LIPM: variants seen among roughly 807,000 people sequenced by gnomAD.
The protein encoded by LIPM is lipase family member M, also known as lipase member M.
A neutral mutation model predicts 42.4 loss-of-function variants in LIPM; 42 were observed. The ratio of observed to expected loss-of-function variants is 0.99; its 90% confidence interval spans 0.77 to 1.28. The LOEUF (loss-of-function observed/expected upper bound fraction) is 1.28. Among genes scored for constraint, LIPM ranks in the 50% most tolerant of loss-of-function variants. The pLI is 0.00. For synonymous variants in LIPM, 177 were observed against 173.3 expected (o/e 1.02, Z -0.17); for missense variants, 524 against 520.1 (o/e 1.01, Z -0.07).
At chr10:88,806,661 G>A (rs1843591910) in intron 1 of LIPM, among the ~76,000 whole-genome samples, 1 of 152,056 alleles carries the variant, frequency 6.6e-6, no homozygotes, top group Non-Finnish European at 1.5e-5. Context: ...TAATTCTGAT[G>A]CATGCTAAAA....
At chr10:88,815,293 A>G in intron 5 of LIPM, 64 bp from the exon 6 acceptor site, 1 of 1,547,474 alleles carries the variant, frequency 6.5e-7, no homozygotes, top group Non-Finnish European at 8.7e-7. Flanking sequence ...CTAAAACATA[A>G]ACTTTTAAAT....
At chr10:88,814,043 C>A (rs558769313) in intron 3 of LIPM, among the ~76,000 whole-genome samples, 6 of 152,284 alleles carry the variant, frequency 3.9e-5, no homozygotes, top group African/African-American at 1.4e-4. Flanking sequence ...CAAGGCCTAA[C>A]CATATCACCT....
At chr10:88,804,345 C>G (rs1843562177) in intron 1 of LIPM, among the ~76,000 whole-genome samples, 1 of 152,184 alleles carries the variant, frequency 6.6e-6, no homozygotes. Context: ...ACTACTGGGG[C>G]TTCAGGAGTC....
At chr10:88,815,606 T>C in intron 6 of LIPM, 103 bp downstream of exon 6, 1 of 1,004,152 alleles carries the variant, frequency 1.0e-6, no homozygotes, top group Non-Finnish European at 1.4e-6. Flanking sequence ...CTCAGAGTAA[T>C]GATATATTCT....
chr10:88,812,467 C>T (rs1040626253), intron 2 of LIPM, among the ~76,000 whole-genome samples: 1 of 152,026 alleles, frequency 6.6e-6, no homozygotes, highest in South Asian at 2.1e-4. Context: ...TACTGTAAAT[C>T]AATGTTTTGT....
At chr10:88,811,512 A>C (rs2133055393) in intron 2 of LIPM, among the ~76,000 whole-genome samples, 1 of 152,344 alleles carries the variant, frequency 6.6e-6, no homozygotes, top group African/African-American at 2.4e-5. Flanking sequence ...TCTTTCAGCC[A>C]AATTTGCTAA....
intron 2 of LIPM, among the ~76,000 whole-genome samples, chr10:88,810,510 C>CAAAAA (rs5786838): frequency 7.3e-6 from 1 of 137,034 alleles, no homozygotes. Context: ...TCTCCCATAT[C>CAAAAA]AAAAAAAAAA....
chr10:88,815,890 C>T (rs1015015600), intron 6 of LIPM, among the ~76,000 whole-genome samples: 3 of 152,196 alleles, frequency 2.0e-5, no homozygotes, highest in African/African-American at 7.2e-5. Context: ...CAGGGACCTT[C>T]ATTTTGGCTT....
At chr10:88,806,334 T>G (rs564912625) in intron 1 of LIPM, among the ~76,000 whole-genome samples, 1 of 152,342 alleles carries the variant, frequency 6.6e-6, no homozygotes, top group South Asian at 2.1e-4. Flanking sequence ...AGACCTTGCC[T>G]GTCCAGCCCT....
chr10:88,820,518 G>C lies in LIPM; in HGVS notation c.*17G>C, dbSNP rs751078620. The C allele has an allele frequency of 1.3e-6, 2 of 1,544,606 alleles. No homozygotes were observed. Among genetic ancestry groups the C allele is most frequent in the Admixed American group, 2.0e-5 (1 of 50,878 alleles). The stretch of plus-strand genomic sequence containing the variant: ...GTATTGTGAAGCATCTGACACTGAC[G>C]ATCTTAGGACAACCTCCTGAGGGAT... On this transcript the variant is annotated 3_prime_UTR_variant, in exon 9 of 9. Coordinates refer to ENST00000404743, the MANE Select transcript of LIPM (RefSeq NM_001128215.1).
At chr10:88,807,071 G>C (rs991883601) in intron 1 of LIPM, among the ~76,000 whole-genome samples, 1 of 152,114 alleles carries the variant, frequency 6.6e-6, no homozygotes, top group African/African-American at 2.4e-5. Flanking sequence ...ATAATATTCG[G>C]TTAATTGAGT....
chr10:88,813,349 G>T (rs1363951641), intron 3 of LIPM, 54 bp downstream of exon 3: 3 of 1,375,196 alleles, frequency 2.2e-6, no homozygotes, highest in Non-Finnish European at 2.9e-6. Context: ...CAAAAAAAAT[G>T]GGTAAAAAAT....
At chr10:88,810,609 G>A (rs897663965) in intron 2 of LIPM, among the ~76,000 whole-genome samples, 3 of 152,074 alleles carry the variant, frequency 2.0e-5, no homozygotes, top group African/African-American at 7.2e-5. Context: ...TTGTGGTAGC[G>A]GCCTTTTTAT....
At chr10:88,805,073 C>A (rs370510371) in intron 1 of LIPM, among the ~76,000 whole-genome samples, 158 of 147,696 alleles carry the variant, frequency 1.1e-3, no homozygotes, top group African/African-American at 3.8e-3. Flanking sequence ...GAATAACTGG[C>A]CTTATGCATG....
intron 2 of LIPM, among the ~76,000 whole-genome samples, chr10:88,811,364 A>G (rs143065524): frequency 6.6e-6 from 1 of 152,310 alleles, no homozygotes; most frequent in East Asian, 1.9e-4. Flanking sequence ...TGAAAGCAAT[A>G]AGGCTGTTTT....
rs932923772 is a variant in LIPM at position 88,815,471 on chromosome 10, C to A, written c.826C>A (p.Leu276Met). The change falls in exon 6 of 9, where the codon CTG becomes ATG. Residue 276 changes from leucine (L) to methionine (M), a missense_variant. Leu to Met is a conservative substitution (Grantham distance 15, BLOSUM62 2). Coordinates refer to ENST00000404743, the MANE Select transcript of LIPM (RefSeq NM_001128215.1). ...DQICSNIMLLLGGFNTNNMNM... is the reference protein window; with the variant it reads ...DQICSNIMLLMGGFNTNNMNM... ...GATTTGTAGTAATATCATGTTACTT[C>A]TGGGTGGATTCAACACCAACAATAT... 36 of 1,551,406 alleles carry A rather than the reference C, an allele frequency of 2.3e-5. No individual in the cohort carries two copies. The East Asian group carries it at 8.8e-4, about 38-fold the overall frequency.
Position 88,820,329 on chromosome 10 carries a change from T to C in LIPM, c.1100T>C (p.Met367Thr). ...CTTTCAAATCCAGAAGACGTGAAAATGCTGCTCTCTGAGGTGACCAACCTC... is the reference window on the plus strand; with the variant it reads ...CTTTCAAATCCAGAAGACGTGAAAACGCTGCTCTCTGAGGTGACCAACCTC... ...DWLSNPEDVK[M>T]LLSEVTNLIY... Residue 367 changes from methionine (M) to threonine (T), a missense_variant, in exon 9 of 9, where the codon ATG (methionine) becomes ACG (threonine). Coordinates refer to ENST00000404743, the MANE Select transcript of LIPM (RefSeq NM_001128215.1). 1.3e-6 allele frequency: 2 copies of C among 1,552,206 alleles called. No homozygotes were observed. Among genetic ancestry groups the C allele is most frequent in the South Asian group, 2.4e-5 (2 of 84,064 alleles).
chr10:88,813,680 G>A (rs1240285779), intron 3 of LIPM, among the ~76,000 whole-genome samples: 2 of 152,018 alleles, frequency 1.3e-5, no homozygotes, highest in African/African-American at 2.4e-5. Context: ...GTGTTAGTCC[G>A]TTTTCACACT....
At chr10:88,813,405 T>A in intron 3 of LIPM, 110 bp downstream of exon 3, 2 of 829,628 alleles carry the variant, frequency 2.4e-6, no homozygotes, top group Non-Finnish European at 3.7e-6. Flanking sequence ...GAGTCATCAT[T>A]ATCTTAACAT....
Sources: gnomAD v4.1 joint callset for allele counts (sites outside exome capture counted in the v4.1 genomes callset) on GRCh38, gnomAD v4.1.1 for gene constraint, MANE v1.5 for transcripts, NCBI Gene and HGNC (gene_info 2026-07-23, HGNC 2026-07-21) for gene names.